The following KALRN variants were observed in gnomAD, a reference collection of about 807,000 sequenced individuals.
KALRN encodes the protein kalirin.
KALRN carries 70 observed loss-of-function variants against 353.7 expected under a neutral mutation model. The observed-to-expected ratio is 0.20, with a 90% confidence interval of 0.16 to 0.24. KALRN has a LOEUF of 0.24. Ranked by LOEUF, KALRN falls within the 10% of genes least tolerant of loss-of-function variation. KALRN has a pLI of 1.00. For synonymous variants in KALRN, 1,391 were observed against 1,434.8 expected, an observed-to-expected ratio of 0.97 and a Z score of 0.69; for missense variants, 2,791 against 3,756.7, an observed-to-expected ratio of 0.74 and a Z score of 6.72.
intron 1 of KALRN, among the ~76,000 whole-genome samples, chr3:124,120,815 A>G (rs1435676599): frequency 6.7e-6 from 1 of 150,020 alleles, no homozygotes; most frequent in East Asian, 1.9e-4. Context: ...AGAATATAAA[A>G]GAATTCAGAA....
At chr3:124,445,918 C>T (rs1475927810) in intron 19 of KALRN, among the ~76,000 whole-genome samples, 1 of 152,198 alleles carries the variant, frequency 6.6e-6, no homozygotes, top group Non-Finnish European at 1.5e-5. Flanking sequence ...TTATATTCTT[C>T]CCACCTTAGT....
chr3:124,268,355 G>T (rs1350558447), intron 4 of KALRN, among the ~76,000 whole-genome samples: 1 of 152,128 alleles, frequency 6.6e-6, no homozygotes, highest in Non-Finnish European at 1.5e-5. Flanking sequence ...CACGGGCCTT[G>T]GTTTTAAAGC....
At chr3:124,320,480 A>G (rs1043544712) in intron 6 of KALRN, among the ~76,000 whole-genome samples, 1 of 152,220 alleles carries the variant, frequency 6.6e-6, no homozygotes, top group Non-Finnish European at 1.5e-5. Flanking sequence ...CACGTTGCCC[A>G]TAGACCACAA....
intron 1 of KALRN, among the ~76,000 whole-genome samples, chr3:124,156,036 G>A (rs1385398756): frequency 6.6e-6 from 1 of 152,174 alleles, no homozygotes; most frequent in Non-Finnish European, 1.5e-5. Context: ...GCCCCATCCA[G>A]CTTAAACTAT....
chr3:124,707,316 G>A (rs1245811494), intron 57 of KALRN, among the ~76,000 whole-genome samples: 1 of 152,198 alleles, frequency 6.6e-6, no homozygotes, highest in South Asian at 2.1e-4. Flanking sequence ...AACAGAGCAA[G>A]AGCCTGTCTC....
intron 51 of KALRN, among the ~76,000 whole-genome samples, chr3:124,690,785 C>T (rs898322198): frequency 6.6e-6 from 1 of 152,188 alleles, no homozygotes; most frequent in Admixed American, 6.5e-5. Context: ...CTTATGCGAA[C>T]TTCAAGTAAT....
At chr3:124,354,987 G>GTT (rs1189972822) in intron 10 of KALRN, among the ~76,000 whole-genome samples, 1 of 152,208 alleles carries the variant, frequency 6.6e-6, no homozygotes, top group Non-Finnish European at 1.5e-5. Context: ...GGAAAATGCT[G>GTT]TTCTGAGATT....
At chr3:124,238,298 C>T (rs2080036412) in intron 3 of KALRN, among the ~76,000 whole-genome samples, 1 of 152,144 alleles carries the variant, frequency 6.6e-6, no homozygotes, top group Non-Finnish European at 1.5e-5. Flanking sequence ...AATGAGGGAA[C>T]AGGCATGGCC....
intron 34 of KALRN, among the ~76,000 whole-genome samples, chr3:124,571,369 C>A (rs2073490768): frequency 6.6e-6 from 1 of 152,156 alleles, no homozygotes; most frequent in Non-Finnish European, 1.5e-5. Context: ...CCATCCTTAC[C>A]CTTGAACTTT....
chr3:124,522,393 T>G (rs1042042031), intron 33 of KALRN, among the ~76,000 whole-genome samples: 1 of 152,126 alleles, frequency 6.6e-6, no homozygotes, highest in African/African-American at 2.4e-5. Context: ...TTGACATGAT[T>G]TAACATGTCG....
At chr3:124,113,368 G>A (rs1383549895) in intron 1 of KALRN, among the ~76,000 whole-genome samples, 2 of 152,204 alleles carry the variant, frequency 1.3e-5, no homozygotes, top group Non-Finnish European at 2.9e-5. Context: ...GGATGAGAAG[G>A]GGATGGTGGA....
chr3:124,298,681 C>A, intron 5 of KALRN, 110 bp from the exon 6 acceptor site: 2 of 1,242,092 alleles, frequency 1.6e-6, no homozygotes, highest in Non-Finnish European at 1.2e-6. Context: ...ATAACTGGTT[C>A]TCACTGAGCA....
intron 44 of KALRN, 59 bp from the exon 45 acceptor site, chr3:124,661,792 A>G (rs2084907750): frequency 7.4e-7 from 1 of 1,353,080 alleles, no homozygotes; most frequent in Non-Finnish European, 1.1e-6. Context: ...CTGAATTACC[A>G]AGAGCTTCCT....
intron 1 of KALRN, among the ~76,000 whole-genome samples, chr3:124,104,257 A>G (rs1174943694): frequency 5.3e-5 from 8 of 152,222 alleles, no homozygotes; most frequent in African/African-American, 1.7e-4. Flanking sequence ...AGGTCCTACT[A>G]TGTGCTTTGC....
chr3:124,104,621 G>A (rs78156231), intron 1 of KALRN, among the ~76,000 whole-genome samples: 2,346 of 152,254 alleles, frequency 0.015, 59 homozygotes, highest in African/African-American at 0.053. Flanking sequence ...ATTAGAAAAG[G>A]TATTGAGCAG....
At chr3:124,519,119 A>C in intron 33 of KALRN, 6 of 985,014 alleles carry the variant, frequency 6.1e-6, no homozygotes, top group African/African-American at 3.5e-5. Flanking sequence ...CCATAACCTC[A>C]CTCCCTCCCG....
chr3:124,585,218 G>A lies in KALRN; in HGVS notation c.5182+22129G>A, dbSNP rs541810646. On this transcript the variant is annotated intron_variant, in intron 34 of 59. Transcript: ENST00000682506. ...CTGCTAGGGAGTGGGATGCGGACGC[G>A]GGGGTGGGAAGGGGACGCAGAGCCG... 3.3e-5 allele frequency among the ~76,000 whole-genome samples: 5 copies of A among 152,366 alleles called. No individual in the cohort carries two copies. In the East Asian group the frequency reaches 9.7e-4, roughly 29 times the overall value.
chr3:124,293,221 G>A (rs1373170824), intron 5 of KALRN, among the ~76,000 whole-genome samples: 1 of 152,158 alleles, frequency 6.6e-6, no homozygotes, highest in African/African-American at 2.4e-5. Context: ...GTTGTCTTGT[G>A]TCCTCTTAAT....
rs768441029 is a variant in KALRN, at chr3:124,495,965, GTATATATA to G, written c.4833-305_4833-298del. 8.2e-3 allele frequency among the ~76,000 whole-genome samples: 341 copies of G among 41,480 alleles called. 29 individuals are homozygous for G. Among genetic ancestry groups the G allele is most frequent in the Middle Eastern group, 0.036 (3 of 84 alleles). 27.2% of individuals were successfully genotyped at this position (41,480 alleles called of 152,430 possible). Reference sequence around the variant, plus strand: ...CCCAAGTGTGTGTATGTGTATGTATGTATATATATATATATATATATATATATATATAT... The same window carrying G: ...CCCAAGTGTGTGTATGTGTATGTATGTATATATATATATATATATATATAT... On this transcript the variant is annotated intron_variant, in intron 32 of 59. Transcript: ENST00000682506.
Sources: allele counts gnomAD v4.1 joint callset (sites outside exome capture counted in the v4.1 genomes callset), GRCh38; gene constraint gnomAD v4.1.1; transcripts MANE v1.5; gene names NCBI Gene and HGNC (gene_info 2026-07-23, HGNC 2026-07-21).